The following CNTNAP2 variants were observed in gnomAD, a reference collection of about 807,000 sequenced individuals.
CNTNAP2 encodes the protein contactin associated protein 2, also known as contactin-associated protein-like 2.
In CNTNAP2, 98 loss-of-function variants were observed where a neutral mutation model predicts 155.2. The ratio of observed to expected loss-of-function variants is 0.63; its 90% CI spans 0.54 to 0.75. The LOEUF (loss-of-function observed/expected upper bound fraction) is 0.75, where lower values mean the gene tolerates loss of function less well. CNTNAP2 is among the 30% of genes least tolerant of loss of function. CNTNAP2 has a pLI of 0.00. For missense variants in CNTNAP2, 1,727 were observed against 1,688.1 expected, an observed-to-expected ratio of 1.02 and a Z score of -0.40; for synonymous variants, 651 against 631.2, an observed-to-expected ratio of 1.03 and a Z score of -0.47.
chr7:146,687,883 A>G (rs1800629694), intron 1 of CNTNAP2, among the ~76,000 whole-genome samples: 1 of 152,170 alleles, frequency 6.6e-6, no homozygotes, highest in African/African-American at 2.4e-5. Flanking sequence ...CCATGGGAAG[A>G]GCACAGGCTG....
intron 9 of CNTNAP2, among the ~76,000 whole-genome samples, chr7:147,313,637 C>T (rs539321435): frequency 0.025 from 3,850 of 151,654 alleles, 169 homozygotes; most frequent in African/African-American, 0.089. Flanking sequence ...TGTTTTGGTA[C>T]CATTACCATG....
intron 15 of CNTNAP2, among the ~76,000 whole-genome samples, chr7:147,982,816 G>A (rs184675532): frequency 2.6e-5 from 4 of 152,040 alleles, no homozygotes; most frequent in African/African-American, 7.2e-5. Flanking sequence ...TCAGGAGTTC[G>A]AGGACAGCCT....
intron 21 of CNTNAP2, among the ~76,000 whole-genome samples, chr7:148,348,516 G>A (rs1798364681): frequency 6.6e-6 from 1 of 152,164 alleles, no homozygotes; most frequent in South Asian, 2.1e-4. Flanking sequence ...TGTTTATGGA[G>A]CTCATCGCCC....
chr7:146,881,036 T>C (rs1004441726), intron 3 of CNTNAP2, among the ~76,000 whole-genome samples: 1 of 152,156 alleles, frequency 6.6e-6, no homozygotes, highest in Non-Finnish European at 1.5e-5. Flanking sequence ...TTATTTTTGT[T>C]ACCAGCCAAG....
At chr7:147,057,095 A>G (rs1374201402) in intron 4 of CNTNAP2, among the ~76,000 whole-genome samples, 1 of 152,090 alleles carries the variant, frequency 6.6e-6, no homozygotes, top group East Asian at 1.9e-4. Flanking sequence ...CCACTGCACC[A>G]GGCCAAGATG....
intron 1 of CNTNAP2, among the ~76,000 whole-genome samples, chr7:146,323,774 C>A (rs1193892447): frequency 6.6e-6 from 1 of 152,064 alleles, no homozygotes; most frequent in Non-Finnish European, 1.5e-5. Context: ...CCTATTCTTA[C>A]AGTTGAAGGC....
intron 1 of CNTNAP2, among the ~76,000 whole-genome samples, chr7:146,570,621 A>C (rs915242783): frequency 1.2e-4 from 19 of 152,096 alleles, no homozygotes; most frequent in Admixed American, 5.9e-4. Flanking sequence ...CAAATTCTAA[A>C]GGTTGGAAAG....
chr7:148,263,736 C>CA (rs112362809), intron 20 of CNTNAP2, among the ~76,000 whole-genome samples: 16,065 of 107,904 alleles, frequency 0.15, 1,175 homozygotes, highest in African/African-American at 0.24. Flanking sequence ...GACTCAGTCC[C>CA]AAAAAAAAAA....
chr7:148,025,263 T>A (rs1026726799), intron 15 of CNTNAP2, among the ~76,000 whole-genome samples: 1 of 152,208 alleles, frequency 6.6e-6, no homozygotes, highest in Non-Finnish European at 1.5e-5. Context: ...CTTTTGCATT[T>A]GGTTTGACCA....
At chr7:147,087,217 G>A (rs970980837) in intron 4 of CNTNAP2, among the ~76,000 whole-genome samples, 2 of 151,986 alleles carry the variant, frequency 1.3e-5, no homozygotes, top group Non-Finnish European at 2.9e-5. Context: ...TCTTAGAAAC[G>A]TTAAGTATCA....
At chr7:146,346,190 A>G (rs1794815852) in intron 1 of CNTNAP2, among the ~76,000 whole-genome samples, 2 of 152,162 alleles carry the variant, frequency 1.3e-5, no homozygotes, top group Admixed American at 6.5e-5. Context: ...GTGGCCTGTT[A>G]GGAACCAGGC....
chr7:147,249,604 TAAAAA>T (rs755601249), intron 8 of CNTNAP2, among the ~76,000 whole-genome samples: 914 of 70,016 alleles, frequency 0.013, 36 homozygotes, highest in African/African-American at 0.052. Context: ...ACATTGGAGG[TAAAAA>T]AAAAAAAAAA....
chr7:147,226,119 T>C (rs953322776), intron 8 of CNTNAP2, among the ~76,000 whole-genome samples: 1 of 152,210 alleles, frequency 6.6e-6, no homozygotes, highest in African/African-American at 2.4e-5. Context: ...CCTCAATGTC[T>C]TTGAGCATGT....
chr7:148,026,682 A>G (rs192100016), intron 15 of CNTNAP2, among the ~76,000 whole-genome samples: 57 of 152,286 alleles, frequency 3.7e-4, no homozygotes, highest in African/African-American at 1.1e-3. Flanking sequence ...TTTGAACCAG[A>G]TACCCGCCCA....
In CNTNAP2 at chr7:147,654,808, C is replaced by CTTTTTTTT. The variant is rs1186575442; in HGVS notation, c.2098+15518_2098+15525dup. On this transcript the variant is annotated intron_variant, in intron 13 of 23. Transcript: ENST00000361727. Reference sequence around the variant, plus strand: ...AGCTATAGCCTAGCAAAATATATTTCTTTTTTTTTTTTTTTTTTTTTTTGA... The same window carrying CTTTTTTTT: ...AGCTATAGCCTAGCAAAATATATTTCTTTTTTTTTTTTTTTTTTTTTTTTTTTTTTTGA... Among the ~76,000 whole-genome samples the CTTTTTTTT allele has an allele frequency of 2.8e-3, 270 of 97,300 alleles. 9 individuals are homozygous for CTTTTTTTT. Among genetic ancestry groups the CTTTTTTTT allele is most frequent in the Non-Finnish European group, 3.2e-3 (166 of 52,436 alleles). 63.8% of individuals were successfully genotyped at this position (97,300 alleles called of 152,430 possible).
intron 20 of CNTNAP2, among the ~76,000 whole-genome samples, chr7:148,243,950 T>A (rs1487583047): frequency 6.6e-6 from 1 of 152,190 alleles, no homozygotes; most frequent in Admixed American, 6.5e-5. Flanking sequence ...GCCCACTGTG[T>A]ATATATAGGT....
At chr7:147,739,366 C>T (rs573234885) in intron 13 of CNTNAP2, among the ~76,000 whole-genome samples, 31 of 152,254 alleles carry the variant, frequency 2.0e-4, no homozygotes, top group Non-Finnish European at 4.3e-4. Flanking sequence ...TGTTCATTCT[C>T]ACTTTCCCTT....
chr7:147,063,849 TATA>T, intron 4 of CNTNAP2, among the ~76,000 whole-genome samples: 1 of 152,138 alleles, frequency 6.6e-6, no homozygotes, highest in South Asian at 2.1e-4. Flanking sequence ...ATATAAAAAA[TATA>T]AAAGCAGTAT....
chr7:146,645,247 A>G (rs1297724438), intron 1 of CNTNAP2, among the ~76,000 whole-genome samples: 1 of 152,140 alleles, frequency 6.6e-6, no homozygotes, highest in Non-Finnish European at 1.5e-5. Flanking sequence ...GTATCACAAG[A>G]AAAAAATCAT....
Sources: allele counts gnomAD v4.1 joint callset (sites outside exome capture counted in the v4.1 genomes callset), GRCh38; gene constraint gnomAD v4.1.1; transcripts MANE v1.5; gene names NCBI Gene and HGNC (gene_info 2026-07-23, HGNC 2026-07-21).